Variants in TRRAP observed in about 807,000 individuals in gnomAD.
TRRAP encodes the protein transformation/transcription domain associated protein.
In TRRAP, 41 loss-of-function variants were observed where a neutral mutation model predicts 438.8. The observed-to-expected ratio is 0.09, with a 90% CI of 0.07 to 0.12. TRRAP has a LOEUF of 0.12. TRRAP is among the 10% of genes least tolerant of loss of function. The pLI, the probability that TRRAP is intolerant of heterozygous loss-of-function variation, is 1.00. For missense variants in TRRAP, 3,122 were observed against 5,055.1 expected (o/e 0.62, Z 11.60); for synonymous variants, 1,994 against 1,962.9 (o/e 1.02, Z -0.42).
rs1792071232 is a variant in TRRAP at position 98,964,674 on chromosome 7, A to G, written c.6875A>G (p.Tyr2292Cys). 1 of 1,614,136 alleles carries G rather than the reference A, an allele frequency of 6.2e-7. No individual in the cohort carries two copies. The highest frequency in any genetic ancestry group is 1.1e-5 in the South Asian group (1 of 91,068). Residue 2292 changes from tyrosine to cysteine, a missense_variant, in exon 48 of 73, where the codon TAC (tyrosine) becomes TGC (cysteine). Physicochemically the swap from Tyr to Cys is radical, Grantham distance 194 (BLOSUM62 -2). Transcript: ENST00000456197. ...LKSACSNNPS[Y>C]IDRLISVFMR... ...TCTGCCTGCAGCAACAACCCCAGCT[A>G]CATAGACAGGCTGATCTCCGTCTTT...
In TRRAP at chr7:99,005,758, A is replaced by G. The variant is rs375715607; in HGVS notation, c.10753+410A>G. Among the ~76,000 whole-genome samples the G allele has an allele frequency of 1.1e-4, 16 of 151,630 alleles. No homozygotes were observed. Among genetic ancestry groups the G allele is most frequent in the African/African-American group, 2.7e-4 (11 of 41,322 alleles). ...TGTGTGGCCTGAGACAATTCTTCCA[A>G]TGTGGCCCAGGGAAGCCAAAAGATT... On this transcript the variant is annotated intron_variant, in intron 69 of 72. Coordinates refer to ENST00000456197, the MANE Select transcript of TRRAP (RefSeq NM_001375524.1). The surrounding 1 kb of genome is among the most constrained non-coding windows in gnomAD (Gnocchi z 5.1).
At chr7:98,897,318 T>C (rs782367919) in intron 7 of TRRAP, among the ~76,000 whole-genome samples, 1 of 152,254 alleles carries the variant, frequency 6.6e-6, no homozygotes, top group Non-Finnish European at 1.5e-5. Flanking sequence ...CAGTGGGGAC[T>C]GCCAGCTCGT....
intron 44 of TRRAP, among the ~76,000 whole-genome samples, chr7:98,959,133 C>T (rs984883758): frequency 2.0e-5 from 3 of 151,892 alleles, no homozygotes; most frequent in Non-Finnish European, 4.4e-5. Context: ...ACCACGGATG[C>T]GCTGCAGAGG....
chr7:98,950,324 T>C, intron 38 of TRRAP, 62 bp downstream of exon 38: 1 of 1,570,762 alleles, frequency 6.4e-7, no homozygotes, highest in East Asian at 2.2e-5. Context: ...CTAGGGAACT[T>C]TGGGCCCTTT....
In TRRAP at chr7:98,927,217, C is replaced by T. The variant is rs782527025; in HGVS notation, c.3026C>T (p.Ala1009Val). 16 of 1,614,062 alleles carry T rather than the reference C, an allele frequency of 9.9e-6. No individual in the cohort carries two copies. The highest frequency in any genetic ancestry group is 3.3e-5 in the Admixed American group (2 of 60,002). ...PNVIISHRYK[A>V]QDTPARKTFE... ...GTTATCATCTCACATCGCTACAAAG[C>T]CCAGGACACTCCAGCCCGGAAGACT... Residue 1009 changes from alanine (A) to valine (V), a missense_variant, in exon 23 of 73, where the codon GCC becomes GTC. Transcript: ENST00000456197.
At position 98,927,242 on chromosome 7, in the gene TRRAP, T is replaced by C. The variant is rs1169977915; in HGVS notation, c.3051T>C (p.Thr1017=). The change falls in exon 23 of 73, where the codon ACT becomes ACC. Residue 1017 remains threonine (T), a synonymous_variant. Transcript: ENST00000456197. ...YKAQDTPARK[T]FEQALTGAFM... is the part of the protein sequence containing the mutation. The stretch of plus-strand genomic sequence containing the variant: ...CCCAGGACACTCCAGCCCGGAAGAC[T>C]TTTGAGCAGGCCCTGACAGGCGCCT... 1 of 1,614,218 alleles carries C rather than the reference T, an allele frequency of 6.2e-7. No homozygotes were observed. Among genetic ancestry groups the C allele is most frequent in the Non-Finnish European group, 8.5e-7 (1 of 1,180,040 alleles).
chr7:98,975,402 G>A (rs1792611369), intron 53 of TRRAP, among the ~76,000 whole-genome samples: 1 of 152,346 alleles, frequency 6.6e-6, no homozygotes, highest in South Asian at 2.1e-4. Flanking sequence ...ACTGCCTGAT[G>A]CCATGTAGGG....
chr7:99,007,768 C>T (rs1384861333), intron 69 of TRRAP, among the ~76,000 whole-genome samples: 1 of 152,116 alleles, frequency 6.6e-6, no homozygotes, highest in East Asian at 1.9e-4. Context: ...CCCACCTCAG[C>T]CTCCCGAGTA....
At chr7:98,992,463 A>G (rs918929368) in intron 65 of TRRAP, among the ~76,000 whole-genome samples, 1 of 152,248 alleles carries the variant, frequency 6.6e-6, no homozygotes, top group Non-Finnish European at 1.5e-5. Flanking sequence ...ATCTATAGGT[A>G]GAGAAAATAT....
intron 11 of TRRAP, among the ~76,000 whole-genome samples, chr7:98,902,095 A>T (rs111271523): frequency 3.3e-5 from 5 of 152,234 alleles, no homozygotes; most frequent in Non-Finnish European, 5.9e-5. Context: ...TAATAAAGCA[A>T]CTATGCACAT....
intron 23 of TRRAP, among the ~76,000 whole-genome samples, chr7:98,928,428 A>T (rs2116500552): frequency 6.6e-6 from 1 of 152,266 alleles, no homozygotes; most frequent in South Asian, 2.1e-4. Flanking sequence ...CAGAGCACAT[A>T]GAATTTTCCC....
Position 98,976,388 on chromosome 7 carries a change from C to G in TRRAP, c.7960-95C>G. The G allele has an allele frequency of 6.4e-7, 1 of 1,569,042 alleles. No individual in the cohort carries two copies. Among genetic ancestry groups the G allele is most frequent in the South Asian group, 1.2e-5 (1 of 85,290 alleles). On this transcript the variant is annotated intron_variant, in intron 54 of 72. Coordinates refer to ENST00000456197, the MANE Select transcript of TRRAP (RefSeq NM_001375524.1). The surrounding 1 kb of genome is among the most constrained non-coding windows in gnomAD (Gnocchi z 4.6). ...AATGAGGGAACCGCTGGCTGTCACT[C>G]GAGCGAATTAGGAAAGGTATTCTTG...
At chr7:98,981,111 G>A (rs550758885) in intron 58 of TRRAP, among the ~76,000 whole-genome samples, 110 of 151,950 alleles carry the variant, frequency 7.2e-4, no homozygotes, top group African/African-American at 2.5e-3. Context: ...AGCTTAAAAT[G>A]TGCTGATTGG....
At chr7:98,998,408 C>T (rs929148862) in intron 67 of TRRAP, 3 of 152,890 alleles carry the variant, frequency 2.0e-5, no homozygotes, top group Non-Finnish European at 4.4e-5. Context: ...AAGCCATGTT[C>T]TTCCATCTCT....
intron 7 of TRRAP, among the ~76,000 whole-genome samples, chr7:98,896,277 CACAATAT>C (rs2116327353): frequency 6.6e-6 from 1 of 152,146 alleles, no homozygotes; most frequent in South Asian, 2.1e-4. Flanking sequence ...TAAGCAGTGC[CACAATAT>C]ACAGGTTTGT....
intron 20 of TRRAP, among the ~76,000 whole-genome samples, chr7:98,918,442 C>T (rs562087589): frequency 1.3e-5 from 2 of 151,888 alleles, no homozygotes; most frequent in South Asian, 4.2e-4. Flanking sequence ...ATTGGCCAGG[C>T]TGGTCTCAAA....
intron 6 of TRRAP, among the ~76,000 whole-genome samples, chr7:98,894,783 GTTTTTTTTTTTTTTT>G (rs56407045): frequency 2.3e-5 from 2 of 87,420 alleles, no homozygotes; most frequent in Non-Finnish European, 4.0e-5. Context: ...CCAGCTAATG[GTTTTTTTTTTTTTTT>G]TTTTTTTTTT....
chr7:98,956,121 C>A lies in TRRAP; in HGVS notation c.5938-25C>A. 6.3e-7 allele frequency: 1 copy of A among 1,598,482 alleles called. No homozygotes were observed. The highest frequency in any genetic ancestry group is 1.3e-5 in the African/African-American group (1 of 74,260). The stretch of plus-strand genomic sequence containing the variant: ...GTGGGACCAAGCTCCCATGTTCCGG[C>A]GTGATGCTGGCCCTGCGTCCGCAGG... On this transcript the variant is annotated intron_variant, in intron 41 of 72. Transcript: ENST00000456197. The surrounding 1 kb of genome is among the most constrained non-coding windows in gnomAD (Gnocchi z 4.5).
chr7:98,991,836 C>T (rs897677829), intron 64 of TRRAP, among the ~76,000 whole-genome samples: 27 of 152,176 alleles, frequency 1.8e-4, no homozygotes, highest in African/African-American at 5.8e-4. Context: ...ATGTATTTTG[C>T]CTTCCTCAGA....
Sources: allele counts gnomAD v4.1 joint callset (sites outside exome capture counted in the v4.1 genomes callset), GRCh38; gene constraint gnomAD v4.1.1; non-coding constraint Gnocchi (gnomAD v3.1); transcripts MANE v1.5; gene names NCBI Gene and HGNC (gene_info 2026-07-23, HGNC 2026-07-21).